Variants in TEX14 observed in about 807,000 individuals in gnomAD.
TEX14 encodes testis expressed 14, intercellular bridge forming factor, also known as inactive serine/threonine-protein kinase TEX14.
A neutral mutation model predicts 178.6 loss-of-function variants in TEX14; 168 were observed. That is an observed-to-expected ratio of 0.94 (90% CI 0.83 to 1.07). The LOEUF (loss-of-function observed/expected upper bound fraction) is 1.07, where lower values mean the gene tolerates loss of function less well. Ranked by LOEUF, TEX14 falls within the 50% of genes least tolerant of loss-of-function variation. The probability of loss-of-function intolerance (pLI) is 0.00; values close to 1 mark genes in which losing one functional copy is unlikely to be tolerated. For missense variants in TEX14, 1,730 were observed against 1,753.6 expected (o/e 0.99, Z 0.24); for synonymous variants, 626 against 634.1 (o/e 0.99, Z 0.19).
intron 14 of TEX14, among the ~76,000 whole-genome samples, chr17:58,597,847 T>C (rs543212240): frequency 6.6e-6 from 1 of 152,320 alleles, no homozygotes; most frequent in South Asian, 2.1e-4. Context: ...ATGTTGGCCC[T>C]GTCCTTAAGG....
chr17:58,669,407 G>A (rs1275561706), intron 1 of TEX14, among the ~76,000 whole-genome samples: 1 of 151,418 alleles, frequency 6.6e-6, no homozygotes, highest in Non-Finnish European at 1.5e-5. Context: ...TGTCATATTT[G>A]CTGAAAGTCA....
Position 58,593,474 on chromosome 17 carries a change from A to G in TEX14, c.2576+81T>C. 9 of 1,064,220 alleles carry G rather than the reference A, an allele frequency of 8.5e-6. 1 individual carries two copies. 65.9% of individuals were successfully genotyped at this position (1,064,220 alleles called of 1,614,324 possible). On this transcript the variant is annotated intron_variant, in intron 15 of 31. Transcript: ENST00000349033. ...TCACAGTCCTTTTGTCACTAGACAT[A>G]AGAAGATCACTGAGTGGCCTCAGAG...
chr17:58,559,407 A>C (rs774592643), intron 30 of TEX14, 46 bp downstream of exon 30: 37 of 814,428 alleles, frequency 4.5e-5, no homozygotes, highest in Admixed American at 2.5e-4. Context: ...AGCACATCAA[A>C]GCCCAAGGAC....
At chr17:58,595,691 G>C (rs913790380) in intron 14 of TEX14, among the ~76,000 whole-genome samples, 1 of 152,186 alleles carries the variant, frequency 6.6e-6, no homozygotes, top group African/African-American at 2.4e-5. Context: ...TTCTTGCCCA[G>C]TCCAACCTCC....
chr17:58,684,353 C>T (rs1440443637), intron 1 of TEX14, among the ~76,000 whole-genome samples: 2 of 151,510 alleles, frequency 1.3e-5, no homozygotes, highest in African/African-American at 4.9e-5. Context: ...TCCCAGCTAT[C>T]TGGGAGGCTG....
At chr17:58,600,335 C>A (rs1238848536) in intron 13 of TEX14, among the ~76,000 whole-genome samples, 1 of 150,642 alleles carries the variant, frequency 6.6e-6, no homozygotes, top group Non-Finnish European at 1.5e-5. Context: ...TGGTCTCAAA[C>A]CAACATGGTG....
intron 15 of TEX14, among the ~76,000 whole-genome samples, chr17:58,590,025 G>A (rs2045086478): frequency 6.6e-6 from 1 of 152,146 alleles, no homozygotes; most frequent in African/African-American, 2.4e-5. Context: ...CACTTTGGGA[G>A]GCCATGGCGG....
At chr17:58,588,117 T>G in intron 15 of TEX14, 96 bp from the exon 16 acceptor site, 1 of 656,308 alleles carries the variant, frequency 1.5e-6, no homozygotes, top group African/African-American at 1.8e-5. Context: ...TGGGAGATTT[T>G]CAGAGGTAGA....
At chr17:58,622,699 C>T (rs528359109) in intron 4 of TEX14, 148 bp downstream of exon 4, 6 of 700,494 alleles carry the variant, frequency 8.6e-6, no homozygotes, top group Middle Eastern at 4.6e-4. Flanking sequence ...CCGGAAGTTT[C>T]GCAGCTGGCT....
intron 17 of TEX14, 102 bp downstream of exon 17, chr17:58,587,479 T>A: frequency 4.2e-6 from 3 of 719,690 alleles, no homozygotes; most frequent in Admixed American, 3.4e-5. Context: ...TTGCTATGGT[T>A]CTAAATGTGC....
intron 15 of TEX14, among the ~76,000 whole-genome samples, chr17:58,590,435 C>T (rs1037757073): frequency 1.3e-5 from 2 of 152,018 alleles, no homozygotes; most frequent in African/African-American, 4.8e-5. Context: ...ATCCAAAATG[C>T]AAAAACAAAG....
chr17:58,598,517 A>G (rs1407782827), intron 14 of TEX14, among the ~76,000 whole-genome samples: 1 of 152,188 alleles, frequency 6.6e-6, no homozygotes, highest in Non-Finnish European at 1.5e-5. Context: ...ATATGGTTCA[A>G]TTTGATACAT....
chr17:58,631,718 T>G (rs190762265), intron 2 of TEX14: 1 of 149,612 alleles, frequency 6.7e-6, no homozygotes, highest in Non-Finnish European at 1.5e-5. Context: ...CACCAAACAC[T>G]GCTATCCCAC....
chr17:58,598,727 A>G lies in TEX14; in HGVS notation c.2469+149T>C, dbSNP rs188402209. 3 of 785,660 alleles carry G rather than the reference A, an allele frequency of 3.8e-6. No homozygotes were observed. In the Admixed American group the frequency reaches 7.0e-5, roughly 18 times the overall value. The allele number at this position is 785,660 out of a possible 1,614,324, so 48.7% of individuals were successfully genotyped here. A position where few individuals can be genotyped will look rare whatever the true frequency, so the allele number is the denominator to read the frequency against. On this transcript the variant is annotated intron_variant, in intron 14 of 31. Transcript: ENST00000349033. The stretch of plus-strand genomic sequence containing the variant: ...ACCCAGCCCTGGGGTCCTGCTTAGG[A>G]TGCCCCTTCCTCCCACTCAGGTTAC...
At chr17:58,558,803 T>C (rs1190056601) in intron 30 of TEX14, among the ~76,000 whole-genome samples, 15 of 152,192 alleles carry the variant, frequency 9.9e-5, no homozygotes. Context: ...CCATAAAATA[T>C]GATTTATTAC....
intron 14 of TEX14, among the ~76,000 whole-genome samples, chr17:58,594,167 C>T (rs1162626975): frequency 6.6e-6 from 1 of 151,794 alleles, no homozygotes; most frequent in Non-Finnish European, 1.5e-5. Flanking sequence ...TGTTGGTCTC[C>T]AGGAACCTAG....
At chr17:58,565,899 T>A in intron 26 of TEX14, 75 bp from the exon 27 acceptor site, 1 of 1,175,576 alleles carries the variant, frequency 8.5e-7, no homozygotes, top group Non-Finnish European at 1.2e-6. Context: ...GCAGTGGTTC[T>A]CCAAGGGTGA....
At chr17:58,567,089 C>T (rs972824688) in intron 26 of TEX14, among the ~76,000 whole-genome samples, 1 of 152,114 alleles carries the variant, frequency 6.6e-6, no homozygotes, top group African/African-American at 2.4e-5. Context: ...ATTGCTTGAA[C>T]CCTGGAGGTG....
chr17:58,637,904 C>T (rs2046475715), intron 2 of TEX14, among the ~76,000 whole-genome samples: 1 of 151,122 alleles, frequency 6.6e-6, no homozygotes, highest in South Asian at 2.1e-4. Context: ...CTCTGTCACC[C>T]AGGCTGGAGT....
Sources: allele counts gnomAD v4.1 joint callset (sites outside exome capture counted in the v4.1 genomes callset), GRCh38; gene constraint gnomAD v4.1.1; transcripts MANE v1.5; gene names NCBI Gene and HGNC (gene_info 2026-07-23, HGNC 2026-07-21).